CORO1B: variants seen among roughly 807,000 people sequenced by gnomAD.
The protein encoded by CORO1B is coronin 1B, also known as coronin-1B.
A neutral mutation model predicts 51.1 loss-of-function variants in CORO1B; 30 were observed. The ratio of observed to expected loss-of-function variants is 0.59; its 90% confidence interval spans 0.44 to 0.80. The LOEUF is 0.80. Among genes scored for constraint, CORO1B ranks in the 30% least tolerant of loss-of-function variants. CORO1B has a pLI of 0.00. For synonymous variants in CORO1B, 310 were observed against 289.7 expected (o/e 1.07, Z -0.71); for missense variants, 648 against 700.4 (o/e 0.93, Z 0.84).
upstream of CORO1B, chr11:67,443,649 C>T (rs1864441145): frequency 1.2e-5 from 10 of 858,732 alleles, no homozygotes; most frequent in South Asian, 3.7e-4. Flanking sequence ...TCCTAGGACC[C>T]GGTGGAGCGC....
rs1864400354 is a variant in CORO1B at position 67,441,775 on chromosome 11, T to C, written c.412A>G (p.Ile138Val). 2 of 1,612,722 alleles carry C rather than the reference T, an allele frequency of 1.2e-6. No homozygotes were observed. Among genetic ancestry groups the C allele is most frequent in the African/African-American group, 2.7e-5 (2 of 74,898 alleles). Residue 138 changes from isoleucine (I) to valine (V), a missense_variant, in exon 4 of 11, where the codon ATC becomes GTC. Ile to Val is a conservative substitution (Grantham distance 29). Coordinates refer to ENST00000341356, the MANE Select transcript of CORO1B (RefSeq NM_020441.3). ...LEGHTKRVGI[I>V]AWHPTARNVL... is the part of the protein sequence containing the mutation. ...TTTCGGGCCGTGGGGTGCCAGGCGATGATGCCCACTCGCTTGGTGTGCCCC... is the reference window on the plus strand; with the variant it reads ...TTTCGGGCCGTGGGGTGCCAGGCGACGATGCCCACTCGCTTGGTGTGCCCC...
chr11:67,443,715 C>CCGCCGCAGAGG (rs1245827617), upstream of CORO1B: 5 of 984,840 alleles, frequency 5.1e-6, no homozygotes, highest in Non-Finnish European at 6.0e-6. Context: ...CCGACGGCGG[C>CCGCCGCAGAGG]CGCCGCAGAG....
In CORO1B at chr11:67,438,124, G is replaced by T; in HGVS notation, c.*252C>A. ...CCGCCTCCTCTGGGGAGGGAGCAGA[G>T]GGCTGGGCAGTGGTCGGGGAGATGG... On this transcript the variant is annotated 3_prime_UTR_variant, in exon 11 of 11. Coordinates refer to ENST00000341356, the MANE Select transcript of CORO1B (RefSeq NM_020441.3). 1 of 448,196 alleles carries T rather than the reference G, an allele frequency of 2.2e-6. No individual in the cohort carries two copies. Among genetic ancestry groups the T allele is most frequent in the Non-Finnish European group, 3.9e-6 (1 of 253,954 alleles). The allele number at this position is 448,196 out of a possible 1,614,324, so 27.8% of individuals were successfully genotyped here.
At chr11:67,441,080 G>C (rs1864383812) in intron 6 of CORO1B, 45 bp downstream of exon 6, 1 of 1,612,432 alleles carries the variant, frequency 6.2e-7, no homozygotes, top group Non-Finnish European at 8.5e-7. Flanking sequence ...CTGGCCCAGG[G>C]TGGGGCCCAA....
In CORO1B at chr11:67,440,168, C is replaced by T; in HGVS notation, c.957G>A (p.Met319Ile). The change falls in exon 8 of 11, where the codon ATG (methionine) becomes ATA (isoleucine). Residue 319 changes from methionine to isoleucine, a missense_variant. By Grantham distance (10) the Met-to-Ile change is conservative. Transcript: ENST00000341356. The part of the protein sequence containing the change: ...TFTSKEPQRG[M>I]GSMPKRGLEV... The stretch of plus-strand genomic sequence containing the variant: ...CCAGGCCCCGCTTGGGCATGCTGCC[C>T]ATACCCCGCTGCGGCTCCTTGCTGG... The T allele has an allele frequency of 6.2e-7, 1 of 1,613,826 alleles. No individual in the cohort carries two copies.
In CORO1B at chr11:67,440,442, G is replaced by T. The variant is rs767137052; in HGVS notation, c.757-3C>A. The T allele has an allele frequency of 1.9e-6, 3 of 1,613,548 alleles. No homozygotes were observed. The South Asian group carries it at 3.3e-5, about 18-fold the overall frequency. On this transcript the variant is annotated splice_polypyrimidine_tract_variant and splice_region_variant and intron_variant, in intron 6 of 10. Transcript: ENST00000341356. The stretch of plus-strand genomic sequence containing the variant: ...GCCATGGGTTCCTCGAGGTTTTCCT[G>T]GCACATTGCAGGCAGTCAGGCCAAG...
chr11:67,438,364 G>C lies in CORO1B; in HGVS notation c.*12C>G. Reference sequence around the variant, plus strand: ...GCGGCGGAGGAGATGAAGGTGGCGTGTGGCTGTGGCCCTACGCATCCCCGT... The same window carrying C: ...GCGGCGGAGGAGATGAAGGTGGCGTCTGGCTGTGGCCCTACGCATCCCCGT... On this transcript the variant is annotated 3_prime_UTR_variant, in exon 11 of 11. Coordinates refer to ENST00000341356, the MANE Select transcript of CORO1B (RefSeq NM_020441.3). 6.3e-7 allele frequency: 1 copy of C among 1,588,780 alleles called. No individual in the cohort carries two copies. The highest frequency in any genetic ancestry group is 8.6e-7 in the Non-Finnish European group (1 of 1,165,022).
chr11:67,436,764 C>T lies in CORO1B; in HGVS notation c.*1612G>A, dbSNP rs1223217219. 1 of 184,520 alleles carries T rather than the reference C, an allele frequency of 5.4e-6. No homozygotes were observed. Among genetic ancestry groups the T allele is most frequent in the Admixed American group, 5.9e-5 (1 of 16,886 alleles). The allele number at this position is 184,520 out of a possible 1,614,324, so 11.4% of individuals were successfully genotyped here. A position where few individuals can be genotyped will look rare whatever the true frequency, so the allele number is the denominator to read the frequency against. On this transcript the variant is annotated 3_prime_UTR_variant, in exon 11 of 11. Coordinates refer to ENST00000341356, the MANE Select transcript of CORO1B (RefSeq NM_020441.3). ...ATCACTGCAGCCCACCCCAGCACCC[C>T]CCAGCACTCAGTGCCTTTTTCCTTC...
intron 9 of CORO1B, 125 bp downstream of exon 9, chr11:67,439,661 T>C: frequency 9.7e-7 from 1 of 1,031,616 alleles, no homozygotes; most frequent in Non-Finnish European, 1.5e-6. Context: ...AGCTGGCATC[T>C]GTCCAGCTCA....
rs777140520 is a variant in CORO1B, at chr11:67,436,258, G to C, written c.*2118C>G. 2.6e-6 allele frequency: 4 copies of C among 1,545,030 alleles called. No homozygotes were observed. The South Asian group carries it at 3.6e-5, about 14-fold the overall frequency. ...GCAGCAGCAGGACAACGGTGACAGA[G>C]CTGGAGCCCACGCTGTCCTCCGCGC... On this transcript the variant is annotated 3_prime_UTR_variant, in exon 11 of 11. Transcript: ENST00000341356.
chr11:67,438,381 C>A lies in CORO1B; in HGVS notation c.1465G>T (p.Ala489Ser). ...GGTGGCGTGTGGCTGTGGCCCTACGCATCCCCGTTCTCCATGCGGCCCAGC... is the reference window on the plus strand; with the variant it reads ...GGTGGCGTGTGGCTGTGGCCCTACGAATCCCCGTTCTCCATGCGGCCCAGC... Reference protein sequence around the residue: ...EQLGRMENGDA With the variant: ...EQLGRMENGDS Residue 489 changes from alanine to serine, a missense_variant, in exon 11 of 11, where the codon GCG (alanine) becomes TCG (serine). Coordinates refer to ENST00000341356, the MANE Select transcript of CORO1B (RefSeq NM_020441.3). 1 of 1,603,178 alleles carries A rather than the reference C, an allele frequency of 6.2e-7. No homozygotes were observed. Among genetic ancestry groups the A allele is most frequent in the Non-Finnish European group, 8.5e-7 (1 of 1,173,752 alleles).
chr11:67,440,984 C>G (rs1411390871), intron 6 of CORO1B, 141 bp downstream of exon 6: 3 of 1,274,858 alleles, frequency 2.4e-6, no homozygotes, highest in Non-Finnish European at 3.3e-6. Flanking sequence ...AGAGGAAAGT[C>G]TGACAGAGTC....
Position 67,441,497 on chromosome 11 carries a change from G to C in CORO1B, c.472C>G (p.Leu158Val). ...TCCGCTGTGCCCACATTCCAGATGA[G>C]TACCACGTTGTCGCAGCCTGGCAGG... ...LLSAGCDNVV[L>V]IWNVGTAEEL... The change falls in exon 5 of 11, where the codon CTC becomes GTC. Residue 158 changes from leucine (L) to valine (V), a missense_variant. By Grantham distance (32) the Leu-to-Val change is conservative (BLOSUM62 1). Transcript: ENST00000341356. 1 of 1,612,208 alleles carries C rather than the reference G, an allele frequency of 6.2e-7. No individual in the cohort carries two copies. The highest frequency in any genetic ancestry group is 8.5e-7 in the Non-Finnish European group (1 of 1,178,866).
In CORO1B at chr11:67,438,829, A is replaced by G; in HGVS notation, c.1186T>C (p.Tyr396His). 1 of 1,609,230 alleles carries G rather than the reference A, an allele frequency of 6.2e-7. No individual in the cohort carries two copies. The highest frequency in any genetic ancestry group is 1.3e-5 in the African/African-American group (1 of 75,034). Residue 396 changes from tyrosine to histidine, a missense_variant, in exon 10 of 11, where the codon TAC (tyrosine) becomes CAC (histidine). Coordinates refer to ENST00000341356, the MANE Select transcript of CORO1B (RefSeq NM_020441.3). Reference sequence around the variant, plus strand: ...AGGTCCCGCTGCTTGCTGGGCACGTAGGCCTCCCGCAGTGAGATGAGGATC... The same window carrying G: ...AGGTCCCGCTGCTTGCTGGGCACGTGGGCCTCCCGCAGTGAGATGAGGATC... Reference protein sequence around the residue: ...DPILISLREAYVPSKQRDLKI... With the variant: ...DPILISLREAHVPSKQRDLKI...
chr11:67,438,956 A>AG lies in CORO1B; in HGVS notation c.1066-8dup. 1 of 1,596,450 alleles carries AG rather than the reference A, an allele frequency of 6.3e-7. No individual in the cohort carries two copies. The highest frequency in any genetic ancestry group is 8.5e-7 in the Non-Finnish European group (1 of 1,169,844). On this transcript the variant is annotated splice_region_variant and splice_polypyrimidine_tract_variant and intron_variant, in intron 9 of 10. Transcript: ENST00000341356. ...CATCCTGGAAGAGGTCCGACTGGGC[A>AG]GGGGGCCGGGGAGGTCAGGATCAGT...
rs1471717173 is a variant in CORO1B, at chr11:67,438,245, G to A, written c.*131C>T. 4 of 1,177,922 alleles carry A rather than the reference G, an allele frequency of 3.4e-6. No individual in the cohort carries two copies. The highest frequency in any genetic ancestry group is 4.7e-6 in the Non-Finnish European group (4 of 848,244). The allele number at this position is 1,177,922 out of a possible 1,614,324, so 73.0% of individuals were successfully genotyped here. A position where few individuals can be genotyped will look rare whatever the true frequency, so the allele number is the denominator to read the frequency against. On this transcript the variant is annotated 3_prime_UTR_variant, in exon 11 of 11. Coordinates refer to ENST00000341356, the MANE Select transcript of CORO1B (RefSeq NM_020441.3). ...TGGCTTCGGCCTGGGCCTGGGACGG[G>A]TGGGGGTGGGAACTGACCCCTGCGC...
At position 67,442,374 on chromosome 11, in the gene CORO1B, C is replaced by T. The variant is rs1334977763; in HGVS notation, c.201+54G>A. On this transcript the variant is annotated intron_variant, in intron 2 of 10. Coordinates refer to ENST00000341356, the MANE Select transcript of CORO1B (RefSeq NM_020441.3). ...GAGGGATTCAAGGTGTGCAGAAAGG[C>T]CCAGTAGGGGTGGCCGAGGTGCCTC... 7 of 1,566,828 alleles carry T rather than the reference C, an allele frequency of 4.5e-6. No homozygotes were observed. The Admixed American group carries it at 8.4e-5, about 19-fold the overall frequency.
At chr11:67,439,897 C>A in intron 8 of CORO1B, 54 bp from the exon 9 acceptor site, 3 of 1,518,540 alleles carry the variant, frequency 2.0e-6, no homozygotes, top group Non-Finnish European at 1.8e-6. Context: ...CCCCCACCCA[C>A]CGCCAGCTCT....
Position 67,438,827 on chromosome 11 carries a change from G to A in CORO1B, c.1188C>T (p.Tyr396=), listed in dbSNP as rs139080371. 5.6e-6 allele frequency: 9 copies of A among 1,608,958 alleles called. No individual in the cohort carries two copies. Among genetic ancestry groups the A allele is most frequent in the Middle Eastern group, 1.7e-4 (1 of 5,998 alleles). The change falls in exon 10 of 11, where the codon TAC becomes TAT. Residue 396 remains tyrosine (Y), a synonymous_variant. Transcript: ENST00000341356. ...TCAGGTCCCGCTGCTTGCTGGGCAC[G>A]TAGGCCTCCCGCAGTGAGATGAGGA... The part of the protein sequence containing the change: ...DPILISLREA[Y]VPSKQRDLKI...
Sources: allele counts gnomAD v4.1 joint callset, GRCh38; gene constraint gnomAD v4.1.1; transcripts MANE v1.5; gene names NCBI Gene and HGNC (gene_info 2026-07-23, HGNC 2026-07-21).